NKAIN3: variants seen among roughly 807,000 people sequenced by gnomAD.
NKAIN3 encodes the protein sodium/potassium-transporting ATPase subunit beta-1-interacting protein 3.
A neutral mutation model predicts 30.2 loss-of-function variants in NKAIN3; 25 were observed. That is an observed-to-expected ratio of 0.83 (90% CI 0.60 to 1.16). The LOEUF (loss-of-function observed/expected upper bound fraction) is 1.16. Among genes scored for constraint, NKAIN3 ranks in the 50% most tolerant of loss-of-function variants. NKAIN3 has a pLI of 0.00. For synonymous variants in NKAIN3, 91 were observed against 89.6 expected (o/e 1.02, Z -0.09); for missense variants, 225 against 254.1 (o/e 0.89, Z 0.78).
rs981632608 is a variant in NKAIN3, at chr8:62,975,478, T to C, written c.*10071T>C. 6.6e-6 allele frequency among the ~76,000 whole-genome samples: 1 copy of C among 152,216 alleles called. No individual in the cohort carries two copies. Among genetic ancestry groups the C allele is most frequent in the African/African-American group, 2.4e-5 (1 of 41,458 alleles). Reference sequence around the variant, plus strand: ...AGTTGTTTGTAATATTCTCTGACGGTAGTTTGCATTTCTGTGGGATTAGTG... The same window carrying C: ...AGTTGTTTGTAATATTCTCTGACGGCAGTTTGCATTTCTGTGGGATTAGTG... On this transcript the variant is annotated 3_prime_UTR_variant, in exon 7 of 7. Transcript: ENST00000623646.
At chr8:62,334,717 A>G (rs1329755255) in intron 1 of NKAIN3, among the ~76,000 whole-genome samples, 2 of 152,100 alleles carry the variant, frequency 1.3e-5, no homozygotes, top group African/African-American at 2.4e-5. Flanking sequence ...TCTGTGGGTC[A>G]AAATTTGGAT....
chr8:62,249,241 G>C (rs1812005366), intron 1 of NKAIN3, 114 bp downstream of exon 1: 2 of 880,568 alleles, frequency 2.3e-6, no homozygotes, highest in Non-Finnish European at 3.3e-6. Context: ...TGAACAGGGC[G>C]CTCCGCCCGC....
At chr8:62,367,788 A>G (rs1489975689) in intron 1 of NKAIN3, among the ~76,000 whole-genome samples, 1 of 152,172 alleles carries the variant, frequency 6.6e-6, no homozygotes, top group Non-Finnish European at 1.5e-5. Context: ...TTGGAAGGAA[A>G]GAAGTTAAAT....
At chr8:62,500,449 GAA>G (rs1219689219) in intron 1 of NKAIN3, among the ~76,000 whole-genome samples, 1 of 116,336 alleles carries the variant, frequency 8.6e-6, no homozygotes. Flanking sequence ...AAGAAAGAAA[GAA>G]AGAAAGAAAG....
chr8:62,599,387 G>C (rs1306383958), intron 3 of NKAIN3, among the ~76,000 whole-genome samples: 1 of 152,012 alleles, frequency 6.6e-6, no homozygotes, highest in Non-Finnish European at 1.5e-5. Flanking sequence ...ATCTCCTGAA[G>C]CCTCAATTTC....
intron 1 of NKAIN3, among the ~76,000 whole-genome samples, chr8:62,351,925 A>G (rs1213336758): frequency 6.6e-6 from 1 of 152,188 alleles, no homozygotes; most frequent in Non-Finnish European, 1.5e-5. Flanking sequence ...AAGCAGGTTT[A>G]CAGAAGTTAT....
intron 1 of NKAIN3, among the ~76,000 whole-genome samples, chr8:62,477,451 TC>T (rs1190235374): frequency 6.6e-6 from 1 of 152,116 alleles, no homozygotes; most frequent in East Asian, 1.9e-4. Context: ...GGCTTTATTT[TC>T]TTTGACTTCG....
intron 1 of NKAIN3, among the ~76,000 whole-genome samples, chr8:62,568,463 G>A (rs577780952): frequency 8.7e-4 from 133 of 152,166 alleles, no homozygotes; most frequent in African/African-American, 3.0e-3. Context: ...AAAATTTTGC[G>A]AAATCGTTTT....
intron 5 of NKAIN3, among the ~76,000 whole-genome samples, chr8:62,939,590 G>T (rs1352560468): frequency 2.6e-5 from 4 of 152,090 alleles, no homozygotes; most frequent in African/African-American, 9.7e-5. Flanking sequence ...AGGAAGTGGG[G>T]TCCTATCTTT....
At chr8:62,925,114 C>T (rs947268486) in intron 5 of NKAIN3, among the ~76,000 whole-genome samples, 13 of 152,242 alleles carry the variant, frequency 8.5e-5, no homozygotes, top group Non-Finnish European at 1.5e-4. Flanking sequence ...TTCTCCATGC[C>T]GCAGTAGACC....
intron 1 of NKAIN3, among the ~76,000 whole-genome samples, chr8:62,283,726 C>A (rs1813278126): frequency 1.3e-5 from 2 of 152,142 alleles, no homozygotes; most frequent in East Asian, 3.9e-4. Flanking sequence ...GACAACTTTT[C>A]TTCCATCTTC....
chr8:62,804,416 A>G (rs975254440), intron 4 of NKAIN3, among the ~76,000 whole-genome samples: 2 of 152,328 alleles, frequency 1.3e-5, no homozygotes, highest in Middle Eastern at 3.4e-3. Flanking sequence ...ATACTGGCAA[A>G]CCAAATCCAG....
At chr8:62,562,114 G>C (rs572160729) in intron 1 of NKAIN3, among the ~76,000 whole-genome samples, 22 of 152,274 alleles carry the variant, frequency 1.4e-4, no homozygotes, top group African/African-American at 5.3e-4. Flanking sequence ...GAGAAGCCAG[G>C]AGACAGAGCA....
At chr8:62,378,955 GC>G (rs1262339313) in intron 1 of NKAIN3, among the ~76,000 whole-genome samples, 2 of 152,160 alleles carry the variant, frequency 1.3e-5, no homozygotes, top group East Asian at 3.9e-4. Flanking sequence ...GCCTGGAAAA[GC>G]CCCAGACACT....
chr8:62,991,866 C>T (rs980123393), intron 5 of NKAIN3, among the ~76,000 whole-genome samples: 1 of 152,240 alleles, frequency 6.6e-6, no homozygotes, highest in East Asian at 1.9e-4. Flanking sequence ...AAAAACAGCT[C>T]AAGCAATTTC....
intron 4 of NKAIN3, among the ~76,000 whole-genome samples, chr8:62,784,985 T>A (rs889276566): frequency 1.3e-5 from 2 of 152,148 alleles, no homozygotes; most frequent in Non-Finnish European, 2.9e-5. Context: ...TGTAGAGAAA[T>A]TAAAACCTTC....
chr8:62,648,646 A>T (rs1350067282), intron 3 of NKAIN3, among the ~76,000 whole-genome samples: 1 of 152,176 alleles, frequency 6.6e-6, no homozygotes, highest in Non-Finnish European at 1.5e-5. Context: ...TTACAGAAGG[A>T]ATCCCCTTAA....
chr8:62,909,400 T>C (rs1025955067), intron 4 of NKAIN3, among the ~76,000 whole-genome samples: 1 of 152,218 alleles, frequency 6.6e-6, no homozygotes, highest in African/African-American at 2.4e-5. Flanking sequence ...ATACCTTTAG[T>C]GAAAGACAAA....
intron 3 of NKAIN3, among the ~76,000 whole-genome samples, chr8:62,668,566 C>T (rs1485905889): frequency 6.6e-6 from 1 of 152,128 alleles, no homozygotes; most frequent in African/African-American, 2.4e-5. Context: ...TTCGTAAGAA[C>T]ATGCTTATTC....
Sources: allele counts gnomAD v4.1 joint callset (sites outside exome capture counted in the v4.1 genomes callset), GRCh38; gene constraint gnomAD v4.1.1; transcripts MANE v1.5; gene names NCBI Gene and HGNC (gene_info 2026-07-23, HGNC 2026-07-21).